TBXAS1: variants seen among roughly 807,000 people sequenced by gnomAD.
TBXAS1 encodes the protein thromboxane-A synthase.
TBXAS1 carries 48 observed loss-of-function variants against 60.7 expected under a neutral mutation model. The observed-to-expected ratio is 0.79, with a 90% confidence interval of 0.63 to 1.01. The LOEUF (loss-of-function observed/expected upper bound fraction) is 1.01. TBXAS1 is among the 50% of genes least tolerant of loss of function. TBXAS1 has a pLI of 0.00. For missense variants in TBXAS1, 685 were observed against 686.3 expected (o/e 1.00, Z 0.02); for synonymous variants, 287 against 269.7 (o/e 1.06, Z -0.63).
chr7:139,919,487 T>C (rs994074000), intron 4 of TBXAS1, among the ~76,000 whole-genome samples: 1 of 152,260 alleles, frequency 6.6e-6, no homozygotes, highest in African/African-American at 2.4e-5. Flanking sequence ...GTTGATCATC[T>C]GTCAAGTCAT....
chr7:139,906,524 G>A (rs558869959), intron 3 of TBXAS1, among the ~76,000 whole-genome samples: 2 of 152,158 alleles, frequency 1.3e-5, no homozygotes, highest in South Asian at 2.1e-4. Context: ...CAGTCTTGAC[G>A]ACTACAGCCA....
At chr7:139,904,129 A>G (rs769663413) in intron 3 of TBXAS1, among the ~76,000 whole-genome samples, 62 of 151,962 alleles carry the variant, frequency 4.1e-4, no homozygotes, top group Non-Finnish European at 6.6e-4. Flanking sequence ...GAATTTTTGT[A>G]TGAGAGATGA....
At chr7:139,911,410 G>A (rs1805510328) in intron 4 of TBXAS1, 89 bp downstream of exon 4, 1 of 1,191,492 alleles carries the variant, frequency 8.4e-7, no homozygotes. Flanking sequence ...GATGCAATCA[G>A]GCCTCTGATC....
At chr7:139,840,932 A>T (rs1401854083) in intron 1 of TBXAS1, among the ~76,000 whole-genome samples, 1 of 152,184 alleles carries the variant, frequency 6.6e-6, no homozygotes, top group South Asian at 2.1e-4. Flanking sequence ...AAGGCCACCG[A>T]GTGCCTTCCC....
intron 4 of TBXAS1, among the ~76,000 whole-genome samples, chr7:139,821,975 C>T (rs1798311321): frequency 6.6e-6 from 1 of 152,216 alleles, no homozygotes; most frequent in Admixed American, 6.5e-5. Flanking sequence ...CAATCACAGA[C>T]CTCGTGTATT....
At chr7:139,784,010 T>G (rs1382127099) in intron 3 of TBXAS1, among the ~76,000 whole-genome samples, 8 of 107,146 alleles carry the variant, frequency 7.5e-5, no homozygotes, top group South Asian at 4.1e-4. Context: ...TAGTTTTTTT[T>G]GTTTTTTTTT....
intron 4 of TBXAS1, among the ~76,000 whole-genome samples, chr7:139,798,189 A>C (rs1355071916): frequency 6.6e-6 from 1 of 152,200 alleles, no homozygotes; most frequent in African/African-American, 2.4e-5. Flanking sequence ...AAGATGGATG[A>C]AGCAGGCAGC....
chr7:139,856,046 CG>C (rs776860406), intron 1 of TBXAS1, among the ~76,000 whole-genome samples: 5 of 152,132 alleles, frequency 3.3e-5, no homozygotes, highest in Non-Finnish European at 7.4e-5. Flanking sequence ...AATTCAGACT[CG>C]AGGTGAATTT....
At chr7:139,924,309 C>G (rs1209789800) in intron 4 of TBXAS1, among the ~76,000 whole-genome samples, 2 of 152,116 alleles carry the variant, frequency 1.3e-5, no homozygotes, top group Non-Finnish European at 2.9e-5. Context: ...TCCTTGGCAG[C>G]TTGTGTTATT....
At chr7:139,813,390 G>T (rs1301939331) in intron 4 of TBXAS1, among the ~76,000 whole-genome samples, 1 of 152,194 alleles carries the variant, frequency 6.6e-6, no homozygotes, top group African/African-American at 2.4e-5. Flanking sequence ...ATGGGCTGCT[G>T]CCTGGCTGAG....
chr7:140,009,278 G>A (rs1202099778), intron 10 of TBXAS1, among the ~76,000 whole-genome samples: 1 of 152,180 alleles, frequency 6.6e-6, no homozygotes, highest in Non-Finnish European at 1.5e-5. Context: ...AGGTCTAGAG[G>A]GCACGTCAGA....
At chr7:139,893,517 C>T (rs562184888) in intron 3 of TBXAS1, among the ~76,000 whole-genome samples, 3 of 152,346 alleles carry the variant, frequency 2.0e-5, no homozygotes, top group South Asian at 4.1e-4. Flanking sequence ...TTTGCATCAA[C>T]AACTTTGCCT....
chr7:139,996,109 C>G (rs1017669328), intron 9 of TBXAS1, among the ~76,000 whole-genome samples: 14 of 151,946 alleles, frequency 9.2e-5, no homozygotes, highest in Admixed American at 5.9e-4. Context: ...GCTGGGATTA[C>G]AGGTGCACAC....
chr7:139,992,710 C>T (rs928173941), intron 9 of TBXAS1, among the ~76,000 whole-genome samples: 3 of 152,248 alleles, frequency 2.0e-5, no homozygotes, highest in African/African-American at 7.2e-5. Flanking sequence ...AAGGGAGCTG[C>T]CCTCAGAAGC....
intron 6 of TBXAS1, 41 bp downstream of exon 6, chr7:139,953,497 A>T (rs780732088): frequency 1.3e-6 from 2 of 1,573,074 alleles, no homozygotes; most frequent in South Asian, 2.2e-5. Flanking sequence ...GAGTTTTTGA[A>T]TCACTGCTTC....
intron 9 of TBXAS1, among the ~76,000 whole-genome samples, chr7:139,980,313 G>A (rs909610064): frequency 2.0e-5 from 3 of 152,106 alleles, no homozygotes; most frequent in East Asian, 1.9e-4. Context: ...ATCAAATTTC[G>A]AAGCCCTTGG....
chr7:139,955,959 C>T (rs977937651), intron 7 of TBXAS1, among the ~76,000 whole-genome samples: 2 of 152,106 alleles, frequency 1.3e-5, no homozygotes, highest in Non-Finnish European at 2.9e-5. Flanking sequence ...GTGAAACAGG[C>T]CTAGAAAGGC....
At position 140,010,133 on chromosome 7, in the gene TBXAS1, T is replaced by C. The variant is rs529966181; in HGVS notation, c.1226+2951T>C. 3.3e-5 allele frequency among the ~76,000 whole-genome samples: 5 copies of C among 150,734 alleles called. No individual in the cohort carries two copies. In the South Asian group the frequency reaches 1.1e-3, roughly 32 times the overall value. The stretch of plus-strand genomic sequence containing the variant: ...CTGCTCCACACCTGCTCCATGGGCA[T>C]TTTTCACCCTATCAGCTCTGCTGGC... On this transcript the variant is annotated intron_variant, in intron 10 of 12. Transcript: ENST00000448866.
At chr7:139,942,316 A>G (rs1808352553) in intron 5 of TBXAS1, among the ~76,000 whole-genome samples, 1 of 152,238 alleles carries the variant, frequency 6.6e-6, no homozygotes, top group Non-Finnish European at 1.5e-5. Flanking sequence ...GCCTGCAGTA[A>G]AGAAACCTGC....
Sources: gnomAD v4.1 joint callset for allele counts (sites outside exome capture counted in the v4.1 genomes callset) on GRCh38, gnomAD v4.1.1 for gene constraint, MANE v1.5 for transcripts, NCBI Gene and HGNC (gene_info 2026-07-23, HGNC 2026-07-21) for gene names.